NELL1: variants seen among roughly 807,000 people sequenced by gnomAD.
NELL1 encodes neural EGFL like 1.
NELL1 carries 76 observed loss-of-function variants against 107.4 expected under a neutral mutation model. The ratio of observed to expected loss-of-function variants is 0.71; its 90% CI spans 0.59 to 0.86. The LOEUF is 0.86. Among genes scored for constraint, NELL1 ranks in the 40% least tolerant of loss-of-function variants. NELL1 has a pLI of 0.00. For synonymous variants in NELL1, 353 were observed against 341.2 expected, an observed-to-expected ratio of 1.03 and a Z score of -0.38; for missense variants, 1,024 against 1,005.5, an observed-to-expected ratio of 1.02 and a Z score of -0.25.
intron 12 of NELL1, among the ~76,000 whole-genome samples, chr11:20,991,642 T>G (rs1851974141): frequency 6.6e-6 from 1 of 151,996 alleles, no homozygotes; most frequent in Admixed American, 6.5e-5. Context: ...GGGACGTGCC[T>G]CGGATTGGTC....
intron 15 of NELL1, among the ~76,000 whole-genome samples, chr11:21,508,834 C>T (rs1478320967): frequency 6.6e-6 from 1 of 151,808 alleles, no homozygotes; most frequent in Non-Finnish European, 1.5e-5. Context: ...CTACCAAACA[C>T]CTATATCAAG....
chr11:20,971,738 A>G (rs543131055), intron 12 of NELL1, among the ~76,000 whole-genome samples: 2 of 152,242 alleles, frequency 1.3e-5, no homozygotes, highest in East Asian at 3.9e-4. Context: ...ATCTCTCATC[A>G]TTTTCCCTTT....
At chr11:21,193,367 TG>T in intron 13 of NELL1, among the ~76,000 whole-genome samples, 1 of 151,902 alleles carries the variant, frequency 6.6e-6, no homozygotes, top group East Asian at 1.9e-4. Flanking sequence ...GTGTGGAAAC[TG>T]GGTAATTTTT....
chr11:21,038,442 A>G (rs1853148125), intron 12 of NELL1, among the ~76,000 whole-genome samples: 1 of 152,232 alleles, frequency 6.6e-6, no homozygotes, highest in Non-Finnish European at 1.5e-5. Flanking sequence ...AAACAACTAT[A>G]TGATACAGAA....
intron 13 of NELL1, among the ~76,000 whole-genome samples, chr11:21,139,849 G>A (rs79282909): frequency 1.2e-3 from 177 of 152,214 alleles, no homozygotes; most frequent in Non-Finnish European, 1.8e-3. Flanking sequence ...GGCAGTTTGG[G>A]GACTGGGTTG....
At chr11:21,374,986 G>T (rs1256924889) in intron 15 of NELL1, among the ~76,000 whole-genome samples, 2 of 151,666 alleles carry the variant, frequency 1.3e-5, no homozygotes, top group African/African-American at 4.8e-5. Flanking sequence ...CAGAGAAGAA[G>T]GAAGAAGGCA....
In NELL1 at chr11:21,197,418, CAAAAA is replaced by C. The variant is rs58951508; in HGVS notation, c.1427-31900_1427-31896del. On this transcript the variant is annotated intron_variant, in intron 13 of 19. Transcript: ENST00000357134. The stretch of plus-strand genomic sequence containing the variant: ...GATTCTCCAGAAAGAAACAAACAAC[CAAAAA>C]AAAAAAAAAAAAACTGTAGCTTTCT... 3.5e-4 allele frequency among the ~76,000 whole-genome samples: 50 copies of C among 142,646 alleles called. 1 individual carries two copies. The highest frequency in any genetic ancestry group is 6.7e-4 in the African/African-American group (26 of 38,698). The allele number at this position is 142,646 out of a possible 152,430, so 93.6% of individuals were successfully genotyped here.
chr11:21,097,641 C>T (rs924130173), intron 12 of NELL1, among the ~76,000 whole-genome samples: 3 of 151,888 alleles, frequency 2.0e-5, no homozygotes, highest in Admixed American at 6.6e-5. Context: ...TTAGAGCTGA[C>T]GGGAAGCAGG....
At chr11:21,017,121 C>T (rs1283126831) in intron 12 of NELL1, among the ~76,000 whole-genome samples, 3 of 152,084 alleles carry the variant, frequency 2.0e-5, no homozygotes, top group African/African-American at 7.2e-5. Context: ...ACTTTCCCAG[C>T]ATTTCTTTCC....
chr11:20,908,925 C>A (rs1850065341), intron 5 of NELL1, among the ~76,000 whole-genome samples: 1 of 152,070 alleles, frequency 6.6e-6, no homozygotes, highest in South Asian at 2.1e-4. Flanking sequence ...TGGAATGAAG[C>A]CAAATGTCTA....
chr11:21,211,608 A>G (rs1857499009), intron 13 of NELL1, among the ~76,000 whole-genome samples: 1 of 152,188 alleles, frequency 6.6e-6, no homozygotes, highest in African/African-American at 2.4e-5. Flanking sequence ...GAGGAGATGC[A>G]TTGGGAAGCT....
intron 4 of NELL1, among the ~76,000 whole-genome samples, chr11:20,859,016 C>T (rs953671846): frequency 9.2e-5 from 14 of 152,342 alleles, no homozygotes; most frequent in African/African-American, 2.4e-4. Context: ...GCCTGAGGAA[C>T]GTGATTTACC....
intron 12 of NELL1, among the ~76,000 whole-genome samples, chr11:21,077,209 G>A (rs562831307): frequency 5.3e-5 from 8 of 152,158 alleles, no homozygotes; most frequent in East Asian, 3.9e-4. Context: ...ATTCACCTGA[G>A]TAACATGACA....
intron 3 of NELL1, among the ~76,000 whole-genome samples, chr11:20,840,140 C>T (rs1848595655): frequency 6.6e-6 from 1 of 151,966 alleles, no homozygotes; most frequent in Non-Finnish European, 1.5e-5. Flanking sequence ...GGTAGAATTC[C>T]ATTTTTATAA....
At chr11:21,037,282 C>T (rs1853116735) in intron 12 of NELL1, among the ~76,000 whole-genome samples, 1 of 152,052 alleles carries the variant, frequency 6.6e-6, no homozygotes, top group African/African-American at 2.4e-5. Context: ...TAGTGCAGGT[C>T]TAGAGAGCTT....
intron 14 of NELL1, among the ~76,000 whole-genome samples, chr11:21,265,118 C>T (rs1384106045): frequency 1.3e-5 from 2 of 151,932 alleles, no homozygotes; most frequent in Non-Finnish European, 1.5e-5. Context: ...GAGTCTTCAC[C>T]TGTCATCTTT....
At chr11:21,157,020 G>T (rs1670637) in intron 13 of NELL1, among the ~76,000 whole-genome samples, 114,680 of 151,474 alleles carry the variant, frequency 0.76, 43,804 homozygotes, top group African/African-American at 0.85. Context: ...GAGAATCGCT[G>T]TAACCCAGGA....
At chr11:20,951,719 C>G (rs963777075) in intron 11 of NELL1, among the ~76,000 whole-genome samples, 2 of 152,118 alleles carry the variant, frequency 1.3e-5, no homozygotes, top group Admixed American at 6.5e-5. Context: ...GTGATGGATA[C>G]TGGCGGGGAG....
intron 14 of NELL1, among the ~76,000 whole-genome samples, chr11:21,362,799 G>A (rs544774668): frequency 3.3e-5 from 5 of 152,154 alleles, no homozygotes; most frequent in African/African-American, 1.2e-4. Flanking sequence ...AATATTATCA[G>A]GTGGGGGAGG....
Sources: allele counts gnomAD v4.1 joint callset (sites outside exome capture counted in the v4.1 genomes callset), GRCh38; gene constraint gnomAD v4.1.1; transcripts MANE v1.5; gene names NCBI Gene and HGNC (gene_info 2026-07-23, HGNC 2026-07-21).